OXCT1: variants seen among roughly 807,000 people sequenced by gnomAD.
OXCT1 encodes succinyl-CoA:3-ketoacid coenzyme A transferase 1, mitochondrial.
Under a neutral mutation model 69.6 loss-of-function variants are expected in OXCT1, and 27 were observed. The ratio of observed to expected loss-of-function variants is 0.39; its 90% CI spans 0.29 to 0.54. The LOEUF is 0.54. Ranked by LOEUF, OXCT1 falls within the 20% of genes least tolerant of loss-of-function variation. The pLI, the probability that OXCT1 is intolerant of heterozygous loss-of-function variation, is 0.72. For synonymous variants in OXCT1, 202 were observed against 217.8 expected, an observed-to-expected ratio of 0.93 and a Z score of 0.64; for missense variants, 437 against 650.2, an observed-to-expected ratio of 0.67 and a Z score of 3.57.
At chr5:41,779,506 C>T (rs1745291789) in intron 13 of OXCT1, among the ~76,000 whole-genome samples, 1 of 152,056 alleles carries the variant, frequency 6.6e-6, no homozygotes. Context: ...ATTAGACCAA[C>T]AGAGAGAAAG....
intron 7 of OXCT1, among the ~76,000 whole-genome samples, chr5:41,812,981 A>G (rs572273691): frequency 6.6e-6 from 1 of 152,208 alleles, no homozygotes; most frequent in Non-Finnish European, 1.5e-5. Flanking sequence ...ATGGATTATT[A>G]TATACATGGT....
intron 8 of OXCT1, 35 bp downstream of exon 8, chr5:41,807,296 T>A (rs889861763): frequency 1.7e-5 from 19 of 1,099,442 alleles, no homozygotes; most frequent in Non-Finnish European, 2.7e-5. Flanking sequence ...TGTAACTGGA[T>A]CCATGAATAC....
intron 15 of OXCT1, 110 bp downstream of exon 15, chr5:41,749,417 C>T (rs1743656067): frequency 7.2e-6 from 5 of 692,076 alleles, no homozygotes; most frequent in South Asian, 6.3e-5. Flanking sequence ...GTTCTGCCCA[C>T]AGACTAAATT....
intron 5 of OXCT1, among the ~76,000 whole-genome samples, chr5:41,847,139 A>C (rs1748952895): frequency 6.6e-6 from 1 of 151,950 alleles, no homozygotes; most frequent in Non-Finnish European, 1.5e-5. Context: ...CCATCAGAGA[A>C]TACTACAAAC....
intron 16 of OXCT1, among the ~76,000 whole-genome samples, chr5:41,732,867 G>T (rs1449767179): frequency 6.6e-6 from 1 of 152,170 alleles, no homozygotes; most frequent in African/African-American, 2.4e-5. Flanking sequence ...ATTTATAAAT[G>T]TCTGCATTAG....
chr5:41,834,789 G>A (rs1480873002), intron 7 of OXCT1, among the ~76,000 whole-genome samples: 1 of 152,014 alleles, frequency 6.6e-6, no homozygotes, highest in African/African-American at 2.4e-5. Flanking sequence ...AGAGACATAG[G>A]ACTTAATCTG....
chr5:41,819,663 T>C (rs77029007), intron 7 of OXCT1, among the ~76,000 whole-genome samples: 92 of 138,624 alleles, frequency 6.6e-4, no homozygotes, highest in African/African-American at 2.4e-3. Flanking sequence ...AGCCACCTTC[T>C]TTTTTTTTTT....
At chr5:41,764,833 A>C (rs1744518852) in intron 13 of OXCT1, among the ~76,000 whole-genome samples, 1 of 152,152 alleles carries the variant, frequency 6.6e-6, no homozygotes, top group Non-Finnish European at 1.5e-5. Context: ...TTCCCAAATG[A>C]GGGGATTCAC....
At chr5:41,805,253 A>T (rs1489779638) in intron 9 of OXCT1, among the ~76,000 whole-genome samples, 1 of 152,048 alleles carries the variant, frequency 6.6e-6, no homozygotes, top group Non-Finnish European at 1.5e-5. Flanking sequence ...GAAAACACTC[A>T]TCTTGGGTAA....
chr5:41,791,093 G>C (rs1379777231), intron 13 of OXCT1, among the ~76,000 whole-genome samples: 2 of 152,146 alleles, frequency 1.3e-5, no homozygotes, highest in Non-Finnish European at 2.9e-5. Flanking sequence ...TAATTTGTAA[G>C]GGGTAGGGCT....
intron 7 of OXCT1, 32 bp downstream of exon 7, chr5:41,840,415 ATAAT>A (rs767634118): frequency 6.9e-7 from 1 of 1,457,256 alleles, no homozygotes; most frequent in South Asian, 1.1e-5. Context: ...ATCAAGTTAA[ATAAT>A]TAACACCAAG....
chr5:41,741,582 C>G (rs1448264623), intron 15 of OXCT1, among the ~76,000 whole-genome samples: 5 of 152,174 alleles, frequency 3.3e-5, no homozygotes, highest in Non-Finnish European at 7.3e-5. Context: ...AGCTTAACAT[C>G]TCACTTATAT....
In OXCT1 at chr5:41,762,307, T is replaced by A. The variant is rs1014638044; in HGVS notation, c.1249-107A>T. 9 of 873,448 alleles carry A rather than the reference T, an allele frequency of 1.0e-5. No homozygotes were observed. The African/African-American group carries it at 1.5e-4, about 14-fold the overall frequency. 54.1% of individuals were successfully genotyped at this position (873,448 alleles called of 1,614,324 possible). A position where few individuals can be genotyped will look rare whatever the true frequency, so the allele number is the denominator to read the frequency against. The stretch of plus-strand genomic sequence containing the variant: ...TACTAGAATCATTAAAAACTCATTG[T>A]CCTTCATTGCTTAGTGCTTGAAGTT... On this transcript the variant is annotated intron_variant, in intron 13 of 16. Coordinates refer to ENST00000196371, the MANE Select transcript of OXCT1 (RefSeq NM_000436.4). The surrounding 1 kb of genome is among the most constrained non-coding windows in gnomAD (Gnocchi z 4.0).
intron 11 of OXCT1, among the ~76,000 whole-genome samples, chr5:41,798,196 C>G (rs1746267992): frequency 6.6e-6 from 1 of 152,062 alleles, no homozygotes; most frequent in African/African-American, 2.4e-5. Flanking sequence ...AGAAAACACC[C>G]AGCAGTCCAG....
chr5:41,796,241 T>C (rs1746175467), intron 11 of OXCT1, among the ~76,000 whole-genome samples: 1 of 152,194 alleles, frequency 6.6e-6, no homozygotes, highest in Non-Finnish European at 1.5e-5. Flanking sequence ...GCTGCTCCCA[T>C]CTTGTGATCT....
chr5:41,737,313 T>C (rs1265756530), intron 16 of OXCT1, among the ~76,000 whole-genome samples: 1 of 152,224 alleles, frequency 6.6e-6, no homozygotes, highest in Non-Finnish European at 1.5e-5. Flanking sequence ...ATATTTTCCA[T>C]TGGAACAGCA....
chr5:41,779,713 A>G (rs1345730807), intron 13 of OXCT1, among the ~76,000 whole-genome samples: 1 of 151,714 alleles, frequency 6.6e-6, no homozygotes, highest in African/African-American at 2.4e-5. Context: ...TAAAGTTTAG[A>G]AAAAAAAATC....
At chr5:41,829,141 C>T (rs1747966297) in intron 7 of OXCT1, among the ~76,000 whole-genome samples, 1 of 152,098 alleles carries the variant, frequency 6.6e-6, no homozygotes, top group East Asian at 1.9e-4. Flanking sequence ...GGAATATGCC[C>T]TATTTTTCAC....
At chr5:41,782,674 T>C (rs1450315652) in intron 13 of OXCT1, among the ~76,000 whole-genome samples, 2 of 152,180 alleles carry the variant, frequency 1.3e-5, no homozygotes, top group African/African-American at 2.4e-5. Context: ...AGATTGCAAA[T>C]ATTTTCTCAC....
Sources: allele counts gnomAD v4.1 joint callset (sites outside exome capture counted in the v4.1 genomes callset), GRCh38; gene constraint gnomAD v4.1.1; non-coding constraint Gnocchi (gnomAD v3.1); transcripts MANE v1.5; gene names NCBI Gene and HGNC (gene_info 2026-07-23, HGNC 2026-07-21).